PUDP: variants seen among roughly 807,000 people sequenced by gnomAD.
The protein encoded by PUDP is pseudouridine-5'-phosphatase.
Under a neutral mutation model 9.4 loss-of-function variants are expected in PUDP, and 8 were observed. The ratio of observed to expected loss-of-function variants is 0.85; its 90% CI spans 0.50 to 1.53. PUDP has a LOEUF of 1.53. PUDP is among the 40% of genes most tolerant of loss of function. The probability of loss-of-function intolerance (pLI) is 0.00; values close to 1 mark genes in which losing one functional copy is unlikely to be tolerated. For missense variants in PUDP, 188 were observed against 189.7 expected (o/e 0.99, Z 0.05); for synonymous variants, 99 against 80.7 (o/e 1.23, Z -1.22).
intron 2 of PUDP, among the ~76,000 whole-genome samples, chrX:7,086,956 C>T (rs748551510): frequency 8.9e-6 from 1 of 111,893 alleles, no homozygotes; most frequent in Admixed American, 9.5e-5. Context: ...GGCTGAACCT[C>T]ATGGAACACT....
chrX:7,054,716 T>C (rs1930192503), intron 3 of PUDP, among the ~76,000 whole-genome samples: 2 of 112,276 alleles, frequency 1.8e-5, no homozygotes, highest in South Asian at 3.7e-4. Context: ...CCTCCTCTCA[T>C]GTGGCCGCTT....
At chrX:7,073,981 G>A (rs1930819951) in intron 3 of PUDP, among the ~76,000 whole-genome samples, 1 of 112,836 alleles carries the variant, frequency 8.9e-6, no homozygotes, top group Admixed American at 9.3e-5. Context: ...CCTTGTGAGA[G>A]AAATTCCTCC....
intron 1 of PUDP, among the ~76,000 whole-genome samples, chrX:7,041,468 G>C (rs1174196550): frequency 8.9e-6 from 1 of 111,810 alleles, no homozygotes; most frequent in African/African-American, 3.3e-5. Flanking sequence ...TCCCTCGAAG[G>C]CATCATTTTT....
intron 3 of PUDP, among the ~76,000 whole-genome samples, chrX:6,928,296 G>A (rs907434253): frequency 9.0e-6 from 1 of 111,070 alleles, no homozygotes; most frequent in Non-Finnish European, 1.9e-5. Flanking sequence ...AAAAACCACT[G>A]TTCTCCTTGG....
chrX:7,012,817 A>C (rs137885879), intron 1 of PUDP, among the ~76,000 whole-genome samples: 3,839 of 111,141 alleles, frequency 0.035, 70 homozygotes, highest in East Asian at 0.14. Context: ...CTCCTAACTC[A>C]TCAGAAACGT....
chrX:6,827,214 T>C (rs1926436361), intron 3 of PUDP, among the ~76,000 whole-genome samples: 1 of 111,970 alleles, frequency 8.9e-6, no homozygotes, highest in Middle Eastern at 4.2e-3. Context: ...AGCTCATTAT[T>C]ATGAAAAGGA....
intron 3 of PUDP, among the ~76,000 whole-genome samples, chrX:6,853,187 C>A (rs7879252): frequency 9.0e-6 from 1 of 110,535 alleles, no homozygotes; most frequent in Non-Finnish European, 1.9e-5. Flanking sequence ...GGCAAGCCCC[C>A]CTGTGCAAGT....
At chrX:7,005,118 C>A (rs945788267) in intron 1 of PUDP, among the ~76,000 whole-genome samples, 3 of 111,157 alleles carry the variant, frequency 2.7e-5, no homozygotes, top group Non-Finnish European at 5.7e-5. Context: ...GTGTGACCTG[C>A]CTGGAGCAGC....
intron 3 of PUDP, among the ~76,000 whole-genome samples, chrX:6,884,647 T>C (rs778723522): frequency 8.9e-6 from 1 of 111,742 alleles, no homozygotes; most frequent in African/African-American, 3.2e-5. Context: ...TACTATTGCC[T>C]GCAGCTCTCC....
intron 3 of PUDP, among the ~76,000 whole-genome samples, chrX:6,791,649 C>T (rs777763236): frequency 1.7e-4 from 19 of 111,242 alleles, no homozygotes; most frequent in African/African-American, 5.6e-4. Flanking sequence ...TCAAGGAATG[C>T]GGGATACTTG....
chrX:7,064,589 G>A (rs1930494685), intron 3 of PUDP, among the ~76,000 whole-genome samples: 1 of 111,313 alleles, frequency 9.0e-6, no homozygotes, highest in Non-Finnish European at 1.9e-5. Context: ...CCTGAGAGGT[G>A]CCCAGAGGGT....
At chrX:6,962,171 G>A (rs1170940137) in intron 3 of PUDP, among the ~76,000 whole-genome samples, 2 of 111,623 alleles carry the variant, frequency 1.8e-5, no homozygotes, top group East Asian at 2.8e-4. Flanking sequence ...TTTAACCAGT[G>A]GTAGAAATGC....
chrX:6,728,954 G>C (rs1924776501), intron 3 of PUDP, among the ~76,000 whole-genome samples: 1 of 111,171 alleles, frequency 9.0e-6, no homozygotes, highest in Non-Finnish European at 1.9e-5. Context: ...GAGAAGAACT[G>C]CTTAGGTATT....
chrX:6,966,706 G>C (rs1928791121), intron 3 of PUDP, among the ~76,000 whole-genome samples: 1 of 110,413 alleles, frequency 9.1e-6, no homozygotes, highest in Non-Finnish European at 1.9e-5. Flanking sequence ...CACCATCACA[G>C]CTGGCTAATT....
chrX:6,980,404 C>A (rs1929016068), intron 1 of PUDP, among the ~76,000 whole-genome samples: 1 of 110,893 alleles, frequency 9.0e-6, no homozygotes, highest in Non-Finnish European at 1.9e-5. Flanking sequence ...GAGAAGGGGT[C>A]TTGCTCTGTT....
chrX:6,807,865 T>C (rs1326853297), intron 3 of PUDP, among the ~76,000 whole-genome samples: 2 of 112,318 alleles, frequency 1.8e-5, no homozygotes, highest in Non-Finnish European at 3.8e-5. Flanking sequence ...GATGGAAATA[T>C]ATGCATCTCT....
chrX:6,933,333 A>G (rs1230549777), intron 3 of PUDP, among the ~76,000 whole-genome samples: 1 of 110,712 alleles, frequency 9.0e-6, no homozygotes, highest in African/African-American at 3.3e-5. Flanking sequence ...CTCACGAAAA[A>G]CCGCTGTTCT....
At chrX:6,923,946 C>T (rs1928062299) in intron 3 of PUDP, among the ~76,000 whole-genome samples, 2 of 110,851 alleles carry the variant, frequency 1.8e-5, no homozygotes, top group Non-Finnish European at 3.8e-5. Context: ...CCTTGCCAGC[C>T]CCAAACTCAT....
chrX:6,713,348 G>A (rs1489413619), intron 1 of PUDP, among the ~76,000 whole-genome samples: 7 of 111,818 alleles, frequency 6.3e-5, no homozygotes, highest in Admixed American at 9.5e-5. Context: ...ACATTATGAC[G>A]GTGCAACAGT....
Sources: gnomAD v4.1 joint callset for allele counts (sites outside exome capture counted in the v4.1 genomes callset) on GRCh38, gnomAD v4.1.1 for gene constraint, MANE v1.5 for transcripts, NCBI Gene and HGNC (gene_info 2026-07-23, HGNC 2026-07-21) for gene names.